MFSD6: variants seen among roughly 807,000 people sequenced by gnomAD.
MFSD6 encodes the protein major facilitator superfamily domain containing 6, also known as major facilitator superfamily domain-containing protein 6.
Under a neutral mutation model 56.3 loss-of-function variants are expected in MFSD6, and 26 were observed. That is an observed-to-expected ratio of 0.46 (90% CI 0.34 to 0.64). The LOEUF (loss-of-function observed/expected upper bound fraction) is 0.64. Among genes scored for constraint, MFSD6 ranks in the 30% least tolerant of loss-of-function variants. The pLI is 0.01. For synonymous variants in MFSD6, 331 were observed against 366.9 expected (o/e 0.90, Z 1.12); for missense variants, 750 against 986.2 (o/e 0.76, Z 3.21).
Position 190,462,545 on chromosome 2 carries a change from A to T in MFSD6, c.1533-7213A>T, listed in dbSNP as rs150264246. On this transcript the variant is annotated intron_variant, in intron 3 of 7. Coordinates refer to ENST00000392328, the MANE Select transcript of MFSD6 (RefSeq NM_017694.4). The surrounding 1 kb of genome is among the most constrained non-coding windows in gnomAD (Gnocchi z 5.7). ...CAAGGCAGGCTCTTTTTGAGTACAA[A>T]GAGGAAGAAGACATGGCCGTTGTCT... Among the ~76,000 whole-genome samples the T allele has an allele frequency of 5.5e-3, 837 of 152,314 alleles. 1 individual carries two copies. The highest frequency in any genetic ancestry group is 0.01 in the Middle Eastern group (3 of 294).
Position 190,494,756 on chromosome 2 carries a change from TC to T in MFSD6, c.1892-2682del, listed in dbSNP as rs1386911916. On this transcript the variant is annotated intron_variant, in intron 6 of 7. Transcript: ENST00000392328. The surrounding 1 kb of genome is among the most constrained non-coding windows in gnomAD (Gnocchi z 5.7). ...AGAATTAAAAACAAAAATCACATGA[TC>T]ATCTCAGTAGACGCAGAAAAAGCAT... is the stretch of plus-strand genomic sequence containing the variant. Among the ~76,000 whole-genome samples, 1 of 152,138 alleles carries T rather than the reference TC, an allele frequency of 6.6e-6. No individual in the cohort carries two copies. The highest frequency in any genetic ancestry group is 1.5e-5 in the Non-Finnish European group (1 of 68,028).
rs1690745412 is a variant in MFSD6, at chr2:190,415,680, A to G, written c.-54+267A>G. Among the ~76,000 whole-genome samples the G allele has an allele frequency of 6.6e-6, 1 of 152,236 alleles. No individual in the cohort carries two copies. The highest frequency in any genetic ancestry group is 1.5e-5 in the Non-Finnish European group (1 of 68,046). On this transcript the variant is annotated intron_variant, in intron 2 of 7. Transcript: ENST00000392328. The surrounding 1 kb of genome is among the most constrained non-coding windows in gnomAD (Gnocchi z 4.5). ...GTTATCAGAACCCTAACAGCAAAAT[A>G]AAACAATTTTAGATTACATATATGG...
rs1363972922 is a variant in MFSD6, at chr2:190,451,705, T to A, written c.1532+14144T>A. 6.6e-6 allele frequency among the ~76,000 whole-genome samples: 1 copy of A among 152,154 alleles called. No homozygotes were observed. The highest frequency in any genetic ancestry group is 1.5e-5 in the Non-Finnish European group (1 of 68,032). ...CCTGAATGGAAGCCCCCAGTGAAGATCTTGGGGACAGAGAAAACCACACAT... is the reference window on the plus strand; with the variant it reads ...CCTGAATGGAAGCCCCCAGTGAAGAACTTGGGGACAGAGAAAACCACACAT... On this transcript the variant is annotated intron_variant, in intron 3 of 7. Coordinates refer to ENST00000392328, the MANE Select transcript of MFSD6 (RefSeq NM_017694.4). This position sits in a 1 kb window ranked among gnomAD's most constrained non-coding sequence, Gnocchi z 5.0.
Position 190,469,933 on chromosome 2 carries a change from C to T in MFSD6, c.1630+78C>T. 1.0e-6 allele frequency: 1 copy of T among 1,003,262 alleles called. No homozygotes were observed. The highest frequency in any genetic ancestry group is 1.5e-6 in the Non-Finnish European group (1 of 660,950). 62.1% of individuals were successfully genotyped at this position (1,003,262 alleles called of 1,614,324 possible). A position where few individuals can be genotyped will look rare whatever the true frequency, so the allele number is the denominator to read the frequency against. ...CTAAAAGCCCAGTGGCCTTCAGCAT[C>T]TGATTCTATAAAGGAAGGGCAGGCC... On this transcript the variant is annotated intron_variant, in intron 4 of 7. Coordinates refer to ENST00000392328, the MANE Select transcript of MFSD6 (RefSeq NM_017694.4). The surrounding 1 kb of genome is among the most constrained non-coding windows in gnomAD (Gnocchi z 5.3).
chr2:190,408,694 GCTCC>G (rs138138355), intron 1 of MFSD6, among the ~76,000 whole-genome samples, 191 bp downstream of exon 1: 9 of 151,428 alleles, frequency 5.9e-5, no homozygotes, highest in Admixed American at 2.0e-4. Flanking sequence ...CTCGCCCGCC[GCTCC>G]CTCCCTCCCT....
In MFSD6 at chr2:190,439,344, A is replaced by G. The variant is rs1487299217; in HGVS notation, c.1532+1783A>G. ...AGTACAGAGTATGTGTTTAGGTTCT[A>G]TTTTCTTTTTTTTCACGTTTTATTT... On this transcript the variant is annotated intron_variant, in intron 3 of 7. Coordinates refer to ENST00000392328, the MANE Select transcript of MFSD6 (RefSeq NM_017694.4). The surrounding 1 kb of genome is among the most constrained non-coding windows in gnomAD (Gnocchi z 5.8). 6.6e-5 allele frequency among the ~76,000 whole-genome samples: 10 copies of G among 151,334 alleles called. No homozygotes were observed. The highest frequency in any genetic ancestry group is 2.4e-5 in the African/African-American group (1 of 41,120).
At chr2:190,408,066 C>T (rs750832545), upstream of MFSD6, among the ~76,000 whole-genome samples, 8 of 152,132 alleles carry the variant, frequency 5.3e-5, no homozygotes, top group East Asian at 1.9e-4. Context: ...GGTGTCCCTC[C>T]GGGCCGCCGG....
chr2:190,468,981 C>T (rs965903233), intron 3 of MFSD6, among the ~76,000 whole-genome samples: 1 of 152,108 alleles, frequency 6.6e-6, no homozygotes, highest in East Asian at 1.9e-4. Context: ...CAAACCAGCC[C>T]ATCCAGTTCA....
Position 190,463,926 on chromosome 2 carries a change from A to T in MFSD6, c.1533-5832A>T. On this transcript the variant is annotated intron_variant, in intron 3 of 7. Coordinates refer to ENST00000392328, the MANE Select transcript of MFSD6 (RefSeq NM_017694.4). The surrounding 1 kb of genome is among the most constrained non-coding windows in gnomAD (Gnocchi z 4.4). Reference sequence around the variant, plus strand: ...CCATACAGAAAACGTAATCCAGTTTATATATGAGGCAGACTGTAGACTGTG... The same window carrying T: ...CCATACAGAAAACGTAATCCAGTTTTTATATGAGGCAGACTGTAGACTGTG... The T allele has an allele frequency of 1.0e-6, 1 of 980,696 alleles. No individual in the cohort carries two copies. The highest frequency in any genetic ancestry group is 1.2e-6 in the Non-Finnish European group (1 of 825,606). The allele number at this position is 980,696 out of a possible 1,614,324, so 60.7% of individuals were successfully genotyped here.
rs1553516530 is a variant in MFSD6, at chr2:190,418,005, T to TGA, written c.-54+2605_-54+2606dup. On this transcript the variant is annotated intron_variant, in intron 2 of 7. Coordinates refer to ENST00000392328, the MANE Select transcript of MFSD6 (RefSeq NM_017694.4). The surrounding 1 kb of genome is among the most constrained non-coding windows in gnomAD (Gnocchi z 4.1). Reference sequence around the variant, plus strand: ...GTGTGTGTGTGTGTGTGTGTGTATGTGAGAGAGAGAGAGATGTGGTTTATC... The same window carrying TGA: ...GTGTGTGTGTGTGTGTGTGTGTATGTGAGAGAGAGAGAGAGATGTGGTTTATC... Among the ~76,000 whole-genome samples the TGA allele has an allele frequency of 8.1e-4, 122 of 150,004 alleles. No individual in the cohort carries two copies. The highest frequency in any genetic ancestry group is 2.0e-3 in the East Asian group (10 of 5,098).
At chr2:190,470,219 C>G (rs1312017338) in intron 4 of MFSD6, among the ~76,000 whole-genome samples, 1 of 152,116 alleles carries the variant, frequency 6.6e-6, no homozygotes. Flanking sequence ...TGTAGGTTAA[C>G]TATAGTTACT....
At position 190,456,293 on chromosome 2, in the gene MFSD6, A is replaced by G. The variant is rs768677126; in HGVS notation, c.1533-13465A>G. On this transcript the variant is annotated intron_variant, in intron 3 of 7. Transcript: ENST00000392328. The surrounding 1 kb of genome is among the most constrained non-coding windows in gnomAD (Gnocchi z 5.4). ...ATCCATGACTTAAATTTCACTTCAG[A>G]CAGAGAAGGTGTTTAGCATGGTGAG... 4.6e-5 allele frequency among the ~76,000 whole-genome samples: 7 copies of G among 152,084 alleles called. No homozygotes were observed. The highest frequency in any genetic ancestry group is 8.8e-5 in the Non-Finnish European group (6 of 68,026).
chr2:190,499,357 T>C lies in MFSD6; in HGVS notation c.2173-658T>C, dbSNP rs1389832848. On this transcript the variant is annotated intron_variant, in intron 7 of 7. Coordinates refer to ENST00000392328, the MANE Select transcript of MFSD6 (RefSeq NM_017694.4). The surrounding 1 kb of genome is among the most constrained non-coding windows in gnomAD (Gnocchi z 6.0). ...TAATTTGGGGGAGAATCCATTTAAATTTTTTTTTATTTGTACAACCAATAT... is the reference window on the plus strand; with the variant it reads ...TAATTTGGGGGAGAATCCATTTAAACTTTTTTTTATTTGTACAACCAATAT... Among the ~76,000 whole-genome samples the C allele has an allele frequency of 6.6e-6, 1 of 151,392 alleles. No individual in the cohort carries two copies. The highest frequency in any genetic ancestry group is 2.4e-5 in the African/African-American group (1 of 40,962).
At chr2:190,477,224 T>C (rs1160150240) in intron 4 of MFSD6, 1 of 975,368 alleles carries the variant, frequency 1.0e-6, no homozygotes, top group African/African-American at 1.8e-5. Context: ...AACAATGCAT[T>C]AAACAGGAAC....
chr2:190,422,563 G>A (rs964461806), intron 2 of MFSD6, among the ~76,000 whole-genome samples: 47 of 152,140 alleles, frequency 3.1e-4, no homozygotes, highest in African/African-American at 9.9e-4. Flanking sequence ...ATGTTGTTGA[G>A]ATATCTGAAG....
In MFSD6 at chr2:190,417,419, G is replaced by A. The variant is rs896161759; in HGVS notation, c.-54+2006G>A. 1.3e-5 allele frequency among the ~76,000 whole-genome samples: 2 copies of A among 152,162 alleles called. No individual in the cohort carries two copies. The highest frequency in any genetic ancestry group is 2.9e-5 in the Non-Finnish European group (2 of 68,030). The stretch of plus-strand genomic sequence containing the variant: ...GTGTACATCACCTGTGCTTGCTCCT[G>A]TTTGAACATTTAGCATAAGGTGTTG... On this transcript the variant is annotated intron_variant, in intron 2 of 7. Transcript: ENST00000392328. The surrounding 1 kb of genome is among the most constrained non-coding windows in gnomAD (Gnocchi z 5.7).
intron 4 of MFSD6, among the ~76,000 whole-genome samples, chr2:190,477,879 A>G (rs992725082): frequency 1.3e-5 from 2 of 152,190 alleles, no homozygotes; most frequent in African/African-American, 4.8e-5. Flanking sequence ...CAAAAATCAC[A>G]TAAGCTAGAT....
At chr2:190,487,000 G>A (rs1032395697) in intron 4 of MFSD6, among the ~76,000 whole-genome samples, 6 of 152,156 alleles carry the variant, frequency 3.9e-5, no homozygotes, top group Non-Finnish European at 1.5e-5. Context: ...ATATAAAACT[G>A]GTAATGGGAC....
rs1023485529 is a variant in MFSD6, at chr2:190,434,471, C to G, written c.-53-1506C>G. ...TATTTTTTTGAGACGGAGTCTCGCT[C>G]TGTTGCCAGGCTGGAGTGCAGTGGC... is the stretch of plus-strand genomic sequence containing the variant. On this transcript the variant is annotated intron_variant, in intron 2 of 7. Transcript: ENST00000392328. The surrounding 1 kb of genome is among the most constrained non-coding windows in gnomAD (Gnocchi z 4.3). Among the ~76,000 whole-genome samples the G allele has an allele frequency of 2.0e-5, 3 of 152,152 alleles. No homozygotes were observed.
Sources: allele counts gnomAD v4.1 joint callset (sites outside exome capture counted in the v4.1 genomes callset), GRCh38; gene constraint gnomAD v4.1.1; non-coding constraint Gnocchi (gnomAD v3.1); transcripts MANE v1.5; gene names NCBI Gene and HGNC (gene_info 2026-07-23, HGNC 2026-07-21).